Variants in CUL7 observed in about 807,000 individuals in gnomAD.
The protein encoded by CUL7 is cullin 7.
In CUL7, 96 loss-of-function variants were observed where a neutral mutation model predicts 177.7. The observed-to-expected ratio is 0.54, with a 90% confidence interval of 0.46 to 0.64. The LOEUF (loss-of-function observed/expected upper bound fraction) is 0.64, where lower values mean the gene tolerates loss of function less well. Among genes scored for constraint, CUL7 ranks in the 30% least tolerant of loss-of-function variants. The probability of loss-of-function intolerance (pLI) is 0.00; values close to 1 mark genes in which losing one functional copy is unlikely to be tolerated. For missense variants in CUL7, 1,893 were observed against 2,187.9 expected (o/e 0.87, Z 2.69); for synonymous variants, 824 against 890.2 (o/e 0.93, Z 1.32).
chr6:43,043,391 T>A lies in CUL7; in HGVS notation c.3355+57A>T, dbSNP rs1223016960. Reference sequence around the variant, plus strand: ...TGGACAGAAGCCTGTGGTGTACACATGGGGCCCAGGAAAACGCTCCTGACT... The same window carrying A: ...TGGACAGAAGCCTGTGGTGTACACAAGGGGCCCAGGAAAACGCTCCTGACT... On this transcript the variant is annotated intron_variant, in intron 17 of 25. Coordinates refer to ENST00000265348, the MANE Select transcript of CUL7 (RefSeq NM_014780.5). The surrounding 1 kb of genome is among the most constrained non-coding windows in gnomAD (Gnocchi z 4.2). 3.9e-5 allele frequency: 60 copies of A among 1,544,300 alleles called. No individual in the cohort carries two copies. The highest frequency in any genetic ancestry group is 6.3e-6 in the Non-Finnish European group (7 of 1,118,548).
Position 43,049,658 on chromosome 6 carries a change from A to G in CUL7, c.1574T>C (p.Leu525Pro). Reference protein sequence around the residue: ...ILQENLDGEILDDEILAELAV... With the variant: ...ILQENLDGEIPDDEILAELAV... ...CAGTTCAGCTAGGATCTCATCATCC[A>G]GAATCTGCCATCAAGGAGAAGCTCT... Residue 525 changes from leucine (L) to proline (P), a missense_variant, in exon 7 of 26, where the codon CTG becomes CCG. Physicochemically the swap from Leu to Pro is moderately conservative, Grantham distance 98. Around this residue, in one of 5 missense-constraint regions of CUL7, gnomAD observed 653 missense variants for 725.2 expected, o/e 0.90. Transcript: ENST00000265348. 6.2e-7 allele frequency: 1 copy of G among 1,614,104 alleles called. No individual in the cohort carries two copies. Among genetic ancestry groups the G allele is most frequent in the African/African-American group, 1.3e-5 (1 of 75,054 alleles).
In CUL7 at chr6:43,040,239, A is replaced by T; in HGVS notation, c.4211T>A (p.Ile1404Asn). 6.2e-7 allele frequency: 1 copy of T among 1,614,200 alleles called. No homozygotes were observed. Among genetic ancestry groups the T allele is most frequent in the Non-Finnish European group, 8.5e-7 (1 of 1,180,050 alleles). Reference sequence around the variant, plus strand: ...GGTTCTGGGGTTCAGTGTGTGGCAGATTGAGGCAACAGGCCAGGAGTGTCG... The same window carrying T: ...GGTTCTGGGGTTCAGTGTGTGGCAGTTTGAGGCAACAGGCCAGGAGTGTCG... ...LSRHSWPVAS[I>N]CHTLNPRTCL... Residue 1404 changes from isoleucine (I) to asparagine (N), a missense_variant, in exon 22 of 26, where the codon ATC (isoleucine) becomes AAC (asparagine). By Grantham distance (149) the Ile-to-Asn change is moderately radical (BLOSUM62 -3). Transcript: ENST00000265348. This position sits in a 1 kb window ranked among gnomAD's most constrained non-coding sequence, Gnocchi z 4.2.
At position 43,046,504 on chromosome 6, in the gene CUL7, C is replaced by T; in HGVS notation, c.2488+7G>A. The T allele has an allele frequency of 6.2e-7, 1 of 1,614,136 alleles. No homozygotes were observed. Among genetic ancestry groups the T allele is most frequent in the Non-Finnish European group, 8.5e-7 (1 of 1,180,030 alleles). On this transcript the variant is annotated splice_region_variant and intron_variant, in intron 11 of 25. Transcript: ENST00000265348. Reference sequence around the variant, plus strand: ...GGAGGTGGAGCAACACGGCAACAGGCACGAACCCTGGCACAGGTATCTGAG... The same window carrying T: ...GGAGGTGGAGCAACACGGCAACAGGTACGAACCCTGGCACAGGTATCTGAG...
chr6:43,044,974 C>T, intron 15 of CUL7, 89 bp from the exon 16 acceptor site: 1 of 1,569,588 alleles, frequency 6.4e-7, no homozygotes, highest in Non-Finnish European at 8.7e-7. Context: ...CCAGCTAACC[C>T]CAGCACCCAA....
chr6:43,037,950 T>C lies in CUL7; in HGVS notation c.4835A>G (p.Lys1612Arg). Residue 1612 changes from lysine (K) to arginine (R), a missense_variant, in exon 26 of 26, where the codon AAG becomes AGG. By Grantham distance (26) the Lys-to-Arg change is conservative. This residue lies in a region of CUL7 where 248 missense variants were observed against 262.5 expected (regional missense o/e 0.94). Transcript: ENST00000265348. ...GTCAGTGCTGCTGCATGCAGACCCCTTACCAAGGCTGCTGACCAAACCCCT... is the reference window on the plus strand; with the variant it reads ...GTCAGTGCTGCTGCATGCAGACCCCCTACCAAGGCTGCTGACCAAACCCCT... ...PPRGLVSSLG[K>R]GSACSSTDVL... 1 of 1,598,684 alleles carries C rather than the reference T, an allele frequency of 6.3e-7. No individual in the cohort carries two copies. Among genetic ancestry groups the C allele is most frequent in the Non-Finnish European group, 8.5e-7 (1 of 1,169,846 alleles).
chr6:43,052,187 T>C lies in CUL7; in HGVS notation c.580+22A>G, dbSNP rs1338925083. The C allele has an allele frequency of 8.7e-6, 14 of 1,613,740 alleles. No individual in the cohort carries two copies. Among genetic ancestry groups the C allele is most frequent in the African/African-American group, 1.3e-5 (1 of 74,942 alleles). Reference sequence around the variant, plus strand: ...ACCCAGCCCTTCTCCTGCTTTCCCTTCCTCCCCACACTGCCCCTCACCAGC... The same window carrying C: ...ACCCAGCCCTTCTCCTGCTTTCCCTCCCTCCCCACACTGCCCCTCACCAGC... On this transcript the variant is annotated intron_variant, in intron 2 of 25. Transcript: ENST00000265348. This position sits in a 1 kb window ranked among gnomAD's most constrained non-coding sequence, Gnocchi z 4.5.
At position 43,053,714 on chromosome 6, in the gene CUL7, G is replaced by C. The variant is rs1391991041; in HGVS notation, c.-101C>G. ...CTGGCGGCGACTTGGGCCCCACCTG[G>C]GCCCCGCGAGGGGGTCGAGACGGAG... On this transcript the variant is annotated 5_prime_UTR_variant, in exon 1 of 26. Transcript: ENST00000265348. The surrounding 1 kb of genome is among the most constrained non-coding windows in gnomAD (Gnocchi z 4.1). 4.2e-6 allele frequency: 6 copies of C among 1,442,014 alleles called. No individual in the cohort carries two copies. The highest frequency in any genetic ancestry group is 5.4e-6 in the Non-Finnish European group (6 of 1,101,378). 89.3% of individuals were successfully genotyped at this position (1,442,014 alleles called of 1,614,324 possible).
chr6:43,046,150 A>G, intron 12 of CUL7, 59 bp from the exon 13 acceptor site: 1 of 1,612,322 alleles, frequency 6.2e-7, no homozygotes, highest in Non-Finnish European at 8.5e-7. Context: ...GGCCAAGTCC[A>G]GGGGGTGGTG....
In CUL7 at chr6:43,045,143, C is replaced by T. The variant is rs1003641275; in HGVS notation, c.3038+84G>A. 8.5e-6 allele frequency: 13 copies of T among 1,523,154 alleles called. No individual in the cohort carries two copies. Among genetic ancestry groups the T allele is most frequent in the Non-Finnish European group, 1.2e-5 (13 of 1,120,698 alleles). The allele number at this position is 1,523,154 out of a possible 1,614,324, so 94.4% of individuals were successfully genotyped here. On this transcript the variant is annotated intron_variant, in intron 15 of 25. Coordinates refer to ENST00000265348, the MANE Select transcript of CUL7 (RefSeq NM_014780.5). The surrounding 1 kb of genome is among the most constrained non-coding windows in gnomAD (Gnocchi z 4.8). ...CGCATATTAAACCTCCATCTCACAGCTTCTATGGACCCCTGCCTGCCAGCT... is the reference window on the plus strand; with the variant it reads ...CGCATATTAAACCTCCATCTCACAGTTTCTATGGACCCCTGCCTGCCAGCT...
At chr6:43,042,310 A>G (rs16896227) in intron 19 of CUL7, among the ~76,000 whole-genome samples, 102 of 152,060 alleles carry the variant, frequency 6.7e-4, no homozygotes, top group African/African-American at 2.3e-3. Context: ...CTTGCATTTT[A>G]GCTCATCAAT....
At chr6:43,038,241 C>T (rs771921525) in intron 25 of CUL7, 26 bp downstream of exon 25, 10 of 1,612,628 alleles carry the variant, frequency 6.2e-6, no homozygotes, top group Admixed American at 1.7e-5. Flanking sequence ...AAAGATCTGT[C>T]ACCCATTGTG....
chr6:43,051,227 C>T lies in CUL7; in HGVS notation c.974G>A (p.Arg325Gln), dbSNP rs1351219363. 10 of 1,614,080 alleles carry T rather than the reference C, an allele frequency of 6.2e-6. No homozygotes were observed. The highest frequency in any genetic ancestry group is 7.6e-6 in the Non-Finnish European group (9 of 1,179,996). Residue 325 changes from arginine (R) to glutamine (Q), a missense_variant, in exon 4 of 26, where the codon CGG (arginine) becomes CAG (glutamine). Physicochemically the swap from Arg to Gln is conservative, Grantham distance 43. Around this residue, in one of 5 missense-constraint regions of CUL7, gnomAD observed 653 missense variants for 725.2 expected, o/e 0.90. Transcript: ENST00000265348. The surrounding 1 kb of genome is among the most constrained non-coding windows in gnomAD (Gnocchi z 5.0). ...AGGCTGGAAGATGGAACCGGGGGAC[C>T]GTGCTGAGCTCCTTGGTCTGTCTGA... ...QASDRPRSSA[R>Q]SPGSIFQPQL... is the part of the protein sequence containing the mutation.
Position 43,048,340 on chromosome 6 carries a change from A to C in CUL7, c.2055T>G (p.Thr685=). Residue 685 remains threonine, a synonymous_variant, in exon 8 of 26, where the codon ACT becomes ACG. Coordinates refer to ENST00000265348, the MANE Select transcript of CUL7 (RefSeq NM_014780.5). Reference sequence around the variant, plus strand: ...TGTCACCATGCTCTCACCTCAGCACAGTCAGGTGCAGGGTCCTGTTAGTCT... The same window carrying C: ...TGTCACCATGCTCTCACCTCAGCACCGTCAGGTGCAGGGTCCTGTTAGTCT... ...TPETNRTLHL[T]VLRILKQLVD... 6.2e-7 allele frequency: 1 copy of C among 1,608,022 alleles called. No individual in the cohort carries two copies. Among genetic ancestry groups the C allele is most frequent in the Non-Finnish European group, 8.5e-7 (1 of 1,174,344 alleles).
Position 43,045,217 on chromosome 6 carries a change from T to A in CUL7, c.3038+10A>T, listed in dbSNP as rs772125709. The A allele has an allele frequency of 6.2e-7, 1 of 1,613,072 alleles. No homozygotes were observed. The highest frequency in any genetic ancestry group is 1.7e-5 in the Admixed American group (1 of 59,784). ...CACAGACACAAGCATACACGCACAC[T>A]CTCACACACCTAGAACTCAGGTGCA... On this transcript the variant is annotated intron_variant, in intron 15 of 25. Coordinates refer to ENST00000265348, the MANE Select transcript of CUL7 (RefSeq NM_014780.5). The surrounding 1 kb of genome is among the most constrained non-coding windows in gnomAD (Gnocchi z 4.8).
intron 16 of CUL7, among the ~76,000 whole-genome samples, chr6:43,044,225 G>A (rs957676920): frequency 1.2e-4 from 19 of 152,216 alleles, no homozygotes; most frequent in African/African-American, 3.6e-4. Context: ...GGGAGGGTGA[G>A]GCAGAAGAAT....
At chr6:43,049,874 T>G in intron 6 of CUL7, 89 bp downstream of exon 6, 1 of 1,442,074 alleles carries the variant, frequency 6.9e-7, no homozygotes, top group Admixed American at 1.7e-5. Flanking sequence ...TGACCTCCAC[T>G]TTTCATCCTG....
rs1421925717 is a variant in CUL7 at position 43,043,354 on chromosome 6, G to C, written c.3355+94C>G. 6.7e-6 allele frequency: 9 copies of C among 1,339,836 alleles called. No homozygotes were observed. The highest frequency in any genetic ancestry group is 1.2e-5 in the South Asian group (1 of 83,778). The allele number at this position is 1,339,836 out of a possible 1,614,324, so 83.0% of individuals were successfully genotyped here. On this transcript the variant is annotated intron_variant, in intron 17 of 25. Coordinates refer to ENST00000265348, the MANE Select transcript of CUL7 (RefSeq NM_014780.5). This position sits in a 1 kb window ranked among gnomAD's most constrained non-coding sequence, Gnocchi z 4.2. ...GAACAGGCTGAGCCCATAGGGAGGG[G>C]AAGGATGGGGATGGACAGAAGCCTG... is the stretch of plus-strand genomic sequence containing the variant.
intron 9 of CUL7, 38 bp from the exon 10 acceptor site, chr6:43,047,145 G>C (rs750134332): frequency 8.0e-7 from 1 of 1,250,628 alleles, no homozygotes; most frequent in Non-Finnish European, 1.2e-6. Context: ...AATGAAGACA[G>C]GGCGAGGGCC....
Position 43,049,479 on chromosome 6 carries a change from C to T in CUL7, c.1753G>A (p.Ala585Thr), listed in dbSNP as rs770077329. The change falls in exon 7 of 26, where the codon GCC becomes ACC. Residue 585 changes from alanine to threonine, a missense_variant. Ala to Thr is a moderately conservative substitution (Grantham distance 58, BLOSUM62 0). This residue lies in a region of CUL7 where 973 missense variants were observed against 1,140.9 expected (regional missense o/e 0.85). Coordinates refer to ENST00000265348, the MANE Select transcript of CUL7 (RefSeq NM_014780.5). Reference sequence around the variant, plus strand: ...TCTAGCAGGAGGACATCTTCTTGGGCTTCTAGAAGGGATGGGTAGGCTTGG... The same window carrying T: ...TCTAGCAGGAGGACATCTTCTTGGGTTTCTAGAAGGGATGGGTAGGCTTGG... ...GNQAYPSLLE[A>T]QEDVLLLDAQ... is the part of the protein sequence containing the mutation. 3.1e-5 allele frequency: 50 copies of T among 1,614,106 alleles called. No homozygotes were observed. Among genetic ancestry groups the T allele is most frequent in the Non-Finnish European group, 4.2e-5 (49 of 1,180,048 alleles).
Sources: gnomAD v4.1 joint callset for allele counts (sites outside exome capture counted in the v4.1 genomes callset) on GRCh38, gnomAD v4.1.1 for gene constraint, gnomAD v4.1.1 regional missense constraint, Gnocchi (gnomAD v3.1) non-coding constraint, MANE v1.5 for transcripts, NCBI Gene and HGNC (gene_info 2026-07-23, HGNC 2026-07-21) for gene names.